The following SOX5 variants were observed in gnomAD, a reference collection of about 807,000 sequenced individuals.
The protein encoded by SOX5 is SRY-box transcription factor 5.
Under a neutral mutation model 92.0 loss-of-function variants are expected in SOX5, and 9 were observed. That is an observed-to-expected ratio of 0.10 (90% CI 0.06 to 0.17). The LOEUF (loss-of-function observed/expected upper bound fraction) is 0.17, where lower values mean the gene tolerates loss of function less well. SOX5 is among the 10% of genes least tolerant of loss of function. SOX5 has a pLI of 1.00. For synonymous variants in SOX5, 344 were observed against 336.3 expected (o/e 1.02, Z -0.25); for missense variants, 642 against 944.5 (o/e 0.68, Z 4.20).
chr12:23,879,948 G>T (rs1167066759), intron 2 of SOX5, among the ~76,000 whole-genome samples: 5 of 152,092 alleles, frequency 3.3e-5, no homozygotes, highest in African/African-American at 9.7e-5. Context: ...CTTGTAAAAA[G>T]TCTCCAAGGC....
chr12:23,560,687 T>C (rs1311798268), intron 11 of SOX5, among the ~76,000 whole-genome samples: 3 of 152,246 alleles, frequency 2.0e-5, no homozygotes, highest in African/African-American at 7.2e-5. Flanking sequence ...CTCTAATACA[T>C]AGCATGTGCT....
At chr12:23,776,706 C>T (rs1008355509) in intron 3 of SOX5, among the ~76,000 whole-genome samples, 2 of 152,068 alleles carry the variant, frequency 1.3e-5, no homozygotes, top group Non-Finnish European at 2.9e-5. Flanking sequence ...GATTCTCATA[C>T]AGAGTGCACA....
chr12:24,026,590 A>G (rs1295288404), intron 4 of SOX5, among the ~76,000 whole-genome samples: 3 of 81,180 alleles, frequency 3.7e-5, no homozygotes, highest in South Asian at 9.8e-4. Context: ...TCTCTATGGG[A>G]AAAAAAAGCA....
intron 4 of SOX5, among the ~76,000 whole-genome samples, chr12:24,068,237 C>T (rs1941114782): frequency 6.6e-6 from 1 of 152,190 alleles, no homozygotes; most frequent in South Asian, 2.1e-4. Context: ...GGATTTTAGT[C>T]GTCAATGTGT....
At chr12:24,322,532 T>C (rs1214519524) in intron 2 of SOX5, among the ~76,000 whole-genome samples, 1 of 152,184 alleles carries the variant, frequency 6.6e-6, no homozygotes, top group Non-Finnish European at 1.5e-5. Flanking sequence ...CCTTCTAGTA[T>C]AGATTGCTCT....
At chr12:23,695,933 T>C (rs2089742455) in intron 6 of SOX5, among the ~76,000 whole-genome samples, 1 of 79,880 alleles carries the variant, frequency 1.3e-5, no homozygotes, top group Non-Finnish European at 2.1e-5. Context: ...AGAGCGAGAC[T>C]CTGTCTCAAA....
chr12:24,554,379 AC>A (rs1285127945), intron 1 of SOX5, among the ~76,000 whole-genome samples: 1 of 152,168 alleles, frequency 6.6e-6, no homozygotes, highest in Admixed American at 6.5e-5. Flanking sequence ...TTTTCCTCTC[AC>A]AAACGTAAGT....
At chr12:23,689,534 G>A (rs772258278) in intron 6 of SOX5, among the ~76,000 whole-genome samples, 2 of 151,994 alleles carry the variant, frequency 1.3e-5, no homozygotes, top group Non-Finnish European at 2.9e-5. Flanking sequence ...ATTAATCTCT[G>A]GAGTTCTGAT....
chr12:23,564,971 T>G (rs1379633262), intron 10 of SOX5, among the ~76,000 whole-genome samples: 2 of 152,204 alleles, frequency 1.3e-5, no homozygotes, highest in Non-Finnish European at 2.9e-5. Context: ...CTTCCCCTGT[T>G]AGTATGCGCA....
intron 4 of SOX5, among the ~76,000 whole-genome samples, chr12:24,031,661 T>G (rs1194135068): frequency 1.3e-5 from 2 of 151,852 alleles, no homozygotes; most frequent in African/African-American, 4.8e-5. Context: ...AAATTTTAAT[T>G]TAGCACTCTG....
intron 3 of SOX5, among the ~76,000 whole-genome samples, chr12:23,821,420 T>C (rs1482329156): frequency 6.6e-6 from 1 of 152,228 alleles, no homozygotes; most frequent in East Asian, 1.9e-4. Flanking sequence ...CTTTATTTCT[T>C]TCTCTTGCCT....
upstream of SOX5, chr12:23,950,977 GCACACACA>G (rs35800209): frequency 6.3e-3 from 3,892 of 619,492 alleles, 16 homozygotes; most frequent in Non-Finnish European, 8.7e-3. Context: ...ACACACGCAT[GCACACACA>G]CACACACACA....
chr12:23,948,593 T>C (rs1944998190), intron 1 of SOX5, among the ~76,000 whole-genome samples: 1 of 151,938 alleles, frequency 6.6e-6, no homozygotes, highest in Admixed American at 6.5e-5. Flanking sequence ...ATCCTGGCTT[T>C]TTTTAGCTTT....
At chr12:24,447,602 T>C (rs1305382715) in intron 1 of SOX5, among the ~76,000 whole-genome samples, 1 of 152,208 alleles carries the variant, frequency 6.6e-6, no homozygotes, top group African/African-American at 2.4e-5. Flanking sequence ...TGTGCATTTG[T>C]TGTGCCAAAC....
rs554947770 is a variant in SOX5, at chr12:24,197,181, G to A, written c.-2+16162C>T. On this transcript the variant is annotated intron_variant, in intron 4 of 4. Coordinates refer to the SOX5 transcript ENST00000446891. ...TGGTTGACATTTTCTCTAATCTTGGGTGATGCCTCAGGTTTTCATTTCCAG... is the reference window on the plus strand; with the variant it reads ...TGGTTGACATTTTCTCTAATCTTGGATGATGCCTCAGGTTTTCATTTCCAG... Among the ~76,000 whole-genome samples, 6 of 152,278 alleles carry A rather than the reference G, an allele frequency of 3.9e-5. No homozygotes were observed. In the South Asian group the frequency reaches 1.0e-3, roughly 26 times the overall value.
chr12:24,497,949 C>A (rs971900006), intron 1 of SOX5, among the ~76,000 whole-genome samples: 10 of 152,054 alleles, frequency 6.6e-5, no homozygotes, highest in African/African-American at 2.4e-4. Flanking sequence ...AATGCAGCAA[C>A]AGAAAACCAA....
At chr12:23,634,876 T>C (rs1483744729) in intron 8 of SOX5, among the ~76,000 whole-genome samples, 1 of 152,186 alleles carries the variant, frequency 6.6e-6, no homozygotes, top group Non-Finnish European at 1.5e-5. Context: ...AGATAGCTAT[T>C]TGAGCAAAAT....
chr12:24,235,721 C>T (rs1964348264), intron 3 of SOX5, among the ~76,000 whole-genome samples: 9 of 152,150 alleles, frequency 5.9e-5, no homozygotes, highest in Admixed American at 5.9e-4. Flanking sequence ...ATACTTAAGT[C>T]TCATCTATCT....
intron 1 of SOX5, among the ~76,000 whole-genome samples, chr12:24,396,908 A>C (rs1263955401): frequency 6.6e-6 from 1 of 152,238 alleles, no homozygotes; most frequent in Non-Finnish European, 1.5e-5. Context: ...CTCTATAACA[A>C]GGAGTTGGTT....
Sources: gnomAD v4.1 joint callset for allele counts (sites outside exome capture counted in the v4.1 genomes callset) on GRCh38, gnomAD v4.1.1 for gene constraint, MANE v1.5 for transcripts, NCBI Gene and HGNC (gene_info 2026-07-23, HGNC 2026-07-21) for gene names.